Variants in CEP290 observed in about 807,000 individuals in gnomAD.
CEP290 encodes centrosomal protein of 290 kDa.
A neutral mutation model predicts 344.9 loss-of-function variants in CEP290; 317 were observed. The observed-to-expected ratio is 0.92, with a 90% CI of 0.84 to 1.01. The LOEUF is 1.01. Among genes scored for constraint, CEP290 ranks in the 50% least tolerant of loss-of-function variants. The pLI is 0.00. For missense variants in CEP290, 2,754 were observed against 2,761.4 expected (o/e 1.00, Z 0.06); for synonymous variants, 932 against 895.8 (o/e 1.04, Z -0.72).
intron 31 of CEP290, among the ~76,000 whole-genome samples, chr12:88,088,829 T>A (rs1316859346): frequency 6.6e-6 from 1 of 152,074 alleles, no homozygotes; most frequent in Non-Finnish European, 1.5e-5. Flanking sequence ...ACCTTGTCTC[T>A]ACAAAAAAAT....
At position 88,079,069 on chromosome 12, in the gene CEP290, C is replaced by T. The variant is rs374008764; in HGVS notation, c.5364+23G>A. The T allele has an allele frequency of 1.4e-5, 21 of 1,526,500 alleles. No homozygotes were observed. In the African/African-American group the frequency reaches 1.6e-4, roughly 11 times the overall value. 94.6% of individuals were successfully genotyped at this position (1,526,500 alleles called of 1,614,324 possible). Reference sequence around the variant, plus strand: ...ATAGGAATTATCAGAAATTTTGTTACATTAACACGTGTTGATGTTCACCTT... The same window carrying T: ...ATAGGAATTATCAGAAATTTTGTTATATTAACACGTGTTGATGTTCACCTT... On this transcript the variant is annotated intron_variant, in intron 39 of 53. Transcript: ENST00000552810.
At chr12:88,088,949 T>A (rs2036800660) in intron 31 of CEP290, 83 bp downstream of exon 31, 1 of 974,524 alleles carries the variant, frequency 1.0e-6, no homozygotes, top group Non-Finnish European at 1.5e-6. Context: ...GAGTTCCAGC[T>A]ATGTTTGCAC....
intron 13 of CEP290, among the ~76,000 whole-genome samples, chr12:88,123,437 CT>C (rs2039537140): frequency 1.3e-5 from 2 of 152,050 alleles, no homozygotes; most frequent in African/African-American, 4.8e-5. Context: ...CAATAGTCAA[CT>C]TTTAGTGATC....
intron 44 of CEP290, among the ~76,000 whole-genome samples, chr12:88,066,821 G>A (rs1372779109): frequency 1.3e-5 from 2 of 151,754 alleles, no homozygotes; most frequent in Non-Finnish European, 2.9e-5. Flanking sequence ...GTAGAGACAG[G>A]GTCTGGCTAT....
In CEP290 at chr12:88,117,017, A is replaced by C. The variant is rs769650506; in HGVS notation, c.1824+16T>G. The stretch of plus-strand genomic sequence containing the variant: ...AAATATTTTCCTTTACTCTCTTTGC[A>C]ATACTTTACTATTACCTTTGATTGT... On this transcript the variant is annotated intron_variant, in intron 18 of 53. Coordinates refer to ENST00000552810, the MANE Select transcript of CEP290 (RefSeq NM_025114.4). 6 of 1,170,288 alleles carry C rather than the reference A, an allele frequency of 5.1e-6. No homozygotes were observed. The East Asian group carries it at 1.5e-4, about 30-fold the overall frequency. 72.5% of individuals were successfully genotyped at this position (1,170,288 alleles called of 1,614,324 possible).
At position 88,093,970 on chromosome 12, in the gene CEP290, C is replaced by G. The variant is rs1565856210; in HGVS notation, c.3109G>C (p.Glu1037Gln). 1 of 1,598,722 alleles carries G rather than the reference C, an allele frequency of 6.3e-7. No homozygotes were observed. The highest frequency in any genetic ancestry group is 1.1e-5 in the South Asian group (1 of 88,478). The change falls in exon 28 of 54, where the codon GAA becomes CAA. Residue 1037 changes from glutamate (E) to glutamine (Q), a missense_variant. Glu to Gln is a conservative substitution (Grantham distance 29, BLOSUM62 2). Transcript: ENST00000552810. ...TTCTTTGCCTTATCCATGCTAGATTCATTACCTACATGCAATAATATTTAA... is the reference window on the plus strand; with the variant it reads ...TTCTTTGCCTTATCCATGCTAGATTGATTACCTACATGCAATAATATTTAA... ...AWEQETKLGNESSMDKAKKSI... is the reference protein window; with the variant it reads ...AWEQETKLGNQSSMDKAKKSI...
intron 5 of CEP290, among the ~76,000 whole-genome samples, chr12:88,138,361 T>C (rs1311259706): frequency 6.6e-6 from 1 of 152,206 alleles, no homozygotes; most frequent in Non-Finnish European, 1.5e-5. Context: ...ATAATTCATT[T>C]AGTATTTATT....
intron 40 of CEP290, 108 bp downstream of exon 40, chr12:88,077,588 GA>G (rs907760958): frequency 2.7e-6 from 2 of 753,400 alleles, no homozygotes; most frequent in African/African-American, 3.6e-5. Flanking sequence ...TAATCAAAGT[GA>G]TTTGAAAGTC....
intron 28 of CEP290, 200 bp downstream of exon 28, chr12:88,093,570 G>T: frequency 4.0e-6 from 2 of 497,542 alleles, no homozygotes; most frequent in Non-Finnish European, 7.1e-6. Context: ...TATAACATTG[G>T]TGAGAAAAAC....
rs1359522025 is a variant in CEP290 at position 88,060,812 on chromosome 12, C to G, written c.6522+18G>C. ...CGTAAAATATTCCCCTAAAAATGAT[C>G]ACATTAAAAAAAATTACCTTCAATT... On this transcript the variant is annotated intron_variant, in intron 47 of 53. Transcript: ENST00000552810. 9 of 1,396,968 alleles carry G rather than the reference C, an allele frequency of 6.4e-6. No individual in the cohort carries two copies. The South Asian group carries it at 1.1e-4, about 17-fold the overall frequency. The allele number at this position is 1,396,968 out of a possible 1,614,324, so 86.5% of individuals were successfully genotyped here. A position where few individuals can be genotyped will look rare whatever the true frequency, so the allele number is the denominator to read the frequency against.
intron 20 of CEP290, 57 bp from the exon 21 acceptor site, chr12:88,111,915 A>G (rs944539526): frequency 2.6e-5 from 32 of 1,240,240 alleles, no homozygotes; most frequent in Admixed American, 3.3e-5. Context: ...AATCATAGTA[A>G]AAAACAGTCT....
In CEP290 at chr12:88,055,710, C is replaced by A; in HGVS notation, c.6826G>T (p.Glu2276Ter). ...WKSIVVTRMYETKLKELETDI... is the reference protein window; with the variant it reads ...WKSIVVTRMY ...GTTTCCAATTCTTTTAACTTGGTTT[C>A]ATACATTCTAAAAGTATAAGGAAAA... is the stretch of plus-strand genomic sequence containing the variant. Residue 2276 changes from glutamate (E) to a stop codon, truncating the protein, a stop_gained, in exon 50 of 54, where the codon GAA becomes TAA. Transcript: ENST00000552810. LOFTEE classifies it high-confidence loss of function. The A allele has an allele frequency of 6.6e-7, 1 of 1,516,600 alleles. No individual in the cohort carries two copies. The highest frequency in any genetic ancestry group is 8.9e-7 in the Non-Finnish European group (1 of 1,127,304). 93.9% of individuals were successfully genotyped at this position (1,516,600 alleles called of 1,614,324 possible). A position where few individuals can be genotyped will look rare whatever the true frequency, so the allele number is the denominator to read the frequency against.
chr12:88,060,991 C>G lies in CEP290; in HGVS notation c.6361G>C (p.Gly2121Arg). ...TCTGGGATTGTCTTTCCACTTCTAC[C>G]AGACTACGAAAGAATATGTTAAATC... is the stretch of plus-strand genomic sequence containing the variant. ...QRKLGHVRGS[G>R]RSGKTIPELE... Residue 2121 changes from glycine (G) to arginine (R), a missense_variant, in exon 47 of 54, where the codon GGT (glycine) becomes CGT (arginine). By Grantham distance (125) the Gly-to-Arg change is moderately radical (BLOSUM62 -2). Coordinates refer to ENST00000552810, the MANE Select transcript of CEP290 (RefSeq NM_025114.4). The G allele has an allele frequency of 2.6e-6, 4 of 1,546,402 alleles. No individual in the cohort carries two copies. The highest frequency in any genetic ancestry group is 3.5e-6 in the Non-Finnish European group (4 of 1,146,542).
At chr12:88,116,948 T>C (rs1167104877) in intron 18 of CEP290, 85 bp downstream of exon 18, 1 of 667,706 alleles carries the variant, frequency 1.5e-6, no homozygotes, top group Non-Finnish European at 2.4e-6. Flanking sequence ...CACTCCAGCC[T>C]GGGAGACAGA....
At chr12:88,115,519 C>A in intron 18 of CEP290, 1 of 1,295,294 alleles carries the variant, frequency 7.7e-7, no homozygotes, top group Non-Finnish European at 1.0e-6. Flanking sequence ...TCTATATCTG[C>A]ATTTCTACAC....
chr12:88,080,209 T>C lies in CEP290; in HGVS notation c.5199A>G (p.Gln1733=), dbSNP rs79644671. 1.3e-3 allele frequency: 2,035 copies of C among 1,610,522 alleles called. 29 individuals are homozygous for C. The African/African-American group carries it at 0.024, about 19-fold the overall frequency. Reference sequence around the variant, plus strand: ...TCTGTTGTTTCTCCTTCAAGGCTAATTGGCTCTTTAGCCGTTCTACTAGAT... The same window carrying C: ...TCTGTTGTTTCTCCTTCAAGGCTAACTGGCTCTTTAGCCGTTCTACTAGAT... The part of the protein sequence containing the change: ...MRNLVERLKS[Q]LALKEKQQKA... The change falls in exon 38 of 54, where the codon CAA becomes CAG. Residue 1733 remains glutamine, a synonymous_variant. Coordinates refer to ENST00000552810, the MANE Select transcript of CEP290 (RefSeq NM_025114.4).
At chr12:88,110,662 T>C (rs1171604917) in intron 22 of CEP290, among the ~76,000 whole-genome samples, 1 of 152,088 alleles carries the variant, frequency 6.6e-6, no homozygotes, top group African/African-American at 2.4e-5. Context: ...TGAGCCAAGA[T>C]AGCGCAACTG....
Position 88,129,788 on chromosome 12 carries a change from A to G in CEP290, c.758T>C (p.Met253Thr). The stretch of plus-strand genomic sequence containing the variant: ...TTTCATTCTATTATATTCATCAGTC[A>G]TCTTCTCCATTTCCTGTACAGACTC... ...LEESVQEMEK[M>T]TDEYNRMKAI... Residue 253 changes from methionine (M) to threonine (T), a missense_variant, in exon 10 of 54, where the codon ATG becomes ACG. Coordinates refer to ENST00000552810, the MANE Select transcript of CEP290 (RefSeq NM_025114.4). 1 of 1,483,806 alleles carries G rather than the reference A, an allele frequency of 6.7e-7. No homozygotes were observed. The highest frequency in any genetic ancestry group is 9.0e-7 in the Non-Finnish European group (1 of 1,110,366). The allele number at this position is 1,483,806 out of a possible 1,614,324, so 91.9% of individuals were successfully genotyped here. A position where few individuals can be genotyped will look rare whatever the true frequency, so the allele number is the denominator to read the frequency against.
intron 13 of CEP290, among the ~76,000 whole-genome samples, chr12:88,122,652 C>T (rs1055053209): frequency 6.6e-6 from 1 of 152,088 alleles, no homozygotes; most frequent in Admixed American, 6.6e-5. Context: ...AGTCCTTTTC[C>T]TTATTTGACA....
Sources: gnomAD v4.1 joint callset for allele counts (sites outside exome capture counted in the v4.1 genomes callset) on GRCh38, gnomAD v4.1.1 for gene constraint, MANE v1.5 for transcripts, NCBI Gene and HGNC (gene_info 2026-07-23, HGNC 2026-07-21) for gene names.